PTPRD: variants seen among roughly 807,000 people sequenced by gnomAD.
The protein encoded by PTPRD is receptor-type tyrosine-protein phosphatase delta.
In PTPRD, 34 loss-of-function variants were observed where a neutral mutation model predicts 214.5. The ratio of observed to expected loss-of-function variants is 0.16; its 90% CI spans 0.12 to 0.21. The LOEUF is 0.21. Among genes scored for constraint, PTPRD ranks in the 10% least tolerant of loss-of-function variants. The pLI, the probability that PTPRD is intolerant of heterozygous loss-of-function variation, is 1.00. For missense variants in PTPRD, 2,545 were observed against 2,398.7 expected (o/e 1.06, Z -1.27); for synonymous variants, 1,128 against 845.7 (o/e 1.33, Z -5.79).
At chr9:10,281,358 G>C (rs2095100850) in intron 3 of PTPRD, among the ~76,000 whole-genome samples, 1 of 152,092 alleles carries the variant, frequency 6.6e-6, no homozygotes, top group Non-Finnish European at 1.5e-5. Flanking sequence ...AGAAAAATAA[G>C]GCTGGCTCTC....
chr9:8,455,214 A>G (rs906426371), intron 33 of PTPRD, among the ~76,000 whole-genome samples: 3 of 152,202 alleles, frequency 2.0e-5, no homozygotes, highest in Non-Finnish European at 4.4e-5. Context: ...TCTTCAGTTT[A>G]GGAAAATATA....
chr9:9,972,071 A>T (rs1423757582), intron 4 of PTPRD, among the ~76,000 whole-genome samples: 1 of 152,212 alleles, frequency 6.6e-6, no homozygotes, highest in Non-Finnish European at 1.5e-5. Flanking sequence ...TACAAGCCAC[A>T]GTTGCAGCAT....
chr9:8,753,171 C>A (rs1196537419), intron 11 of PTPRD, among the ~76,000 whole-genome samples: 2 of 152,080 alleles, frequency 1.3e-5, no homozygotes, highest in East Asian at 1.9e-4. Flanking sequence ...TGCCTCTTGG[C>A]CCCTTTTTCC....
chr9:8,731,439 A>G (rs996093955), intron 12 of PTPRD, among the ~76,000 whole-genome samples: 2 of 152,252 alleles, frequency 1.3e-5, no homozygotes, highest in Admixed American at 1.3e-4. Context: ...TAATGAAGGC[A>G]TAAGAAAACA....
intron 10 of PTPRD, among the ~76,000 whole-genome samples, chr9:9,162,044 A>G (rs1438661798): frequency 6.6e-6 from 1 of 152,124 alleles, no homozygotes; most frequent in Admixed American, 6.6e-5. Flanking sequence ...GAAGAAAACA[A>G]CAAGGCCCAG....
intron 10 of PTPRD, among the ~76,000 whole-genome samples, chr9:9,046,274 A>T (rs147407765): frequency 6.6e-6 from 1 of 152,210 alleles, no homozygotes; most frequent in African/African-American, 2.4e-5. Context: ...TAATTACTTA[A>T]CTAAAACTCC....
chr9:9,653,071 G>T (rs905023313), intron 7 of PTPRD, among the ~76,000 whole-genome samples: 2 of 149,696 alleles, frequency 1.3e-5, no homozygotes, highest in African/African-American at 2.5e-5. Flanking sequence ...GGCCGGGCGC[G>T]GTGGCTCACG....
rs201761674 is a variant in PTPRD at position 8,526,634 on chromosome 9, T to C, written c.561A>G (p.Pro187=). The C allele has an allele frequency of 5.3e-4, 832 of 1,580,176 alleles. No homozygotes were observed. Among genetic ancestry groups the C allele is most frequent in the Non-Finnish European group, 7.0e-4 (808 of 1,161,352 alleles). The part of the protein sequence containing the change: ...QLRSESIGGT[P]IRGALQIEQS... ...TTAGTTCAGCACTCTTACCTCTTATTGGTGTACCACCTGGGTGGATAATAT... is the reference window on the plus strand; with the variant it reads ...TTAGTTCAGCACTCTTACCTCTTATCGGTGTACCACCTGGGTGGATAATAT... The change falls in exon 17 of 46, where the codon CCA becomes CCG. Residue 187 remains proline, a synonymous_variant. Transcript: ENST00000381196.
chr9:10,063,512 G>C (rs1257895707), intron 3 of PTPRD, among the ~76,000 whole-genome samples: 1 of 151,966 alleles, frequency 6.6e-6, no homozygotes, highest in Non-Finnish European at 1.5e-5. Context: ...GGTAAACCTT[G>C]GAAATATTTT....
Position 9,776,384 on chromosome 9 carries a change from C to G in PTPRD, c.-367-9533G>C, listed in dbSNP as rs559752083. Among the ~76,000 whole-genome samples the G allele has an allele frequency of 5.3e-5, 8 of 152,200 alleles. No homozygotes were observed. In the South Asian group the frequency reaches 1.7e-3, roughly 32 times the overall value. On this transcript the variant is annotated intron_variant, in intron 5 of 45. Transcript: ENST00000381196. ...TGAACTCGTGTGCCATAACCCTTTCCTGCAATTGTTGCTTTACTGATCTGT... is the reference window on the plus strand; with the variant it reads ...TGAACTCGTGTGCCATAACCCTTTCGTGCAATTGTTGCTTTACTGATCTGT...
intron 3 of PTPRD, among the ~76,000 whole-genome samples, chr9:10,061,224 C>T (rs2097773365): frequency 6.6e-6 from 1 of 151,772 alleles, no homozygotes; most frequent in Admixed American, 6.6e-5. Context: ...GTTCAACAGC[C>T]ATAATAGGGA....
At chr9:10,364,698 C>T (rs760120366) in intron 2 of PTPRD, among the ~76,000 whole-genome samples, 1 of 152,132 alleles carries the variant, frequency 6.6e-6, no homozygotes, top group Non-Finnish European at 1.5e-5. Context: ...ATCAGGCCTA[C>T]AAAATTGCCA....
chr9:10,464,528 A>C (rs556925465), intron 2 of PTPRD, among the ~76,000 whole-genome samples: 1 of 151,494 alleles, frequency 6.6e-6, no homozygotes, highest in South Asian at 2.1e-4. Context: ...ACGAAAGATA[A>C]ATTCTGACCA....
At chr9:8,978,433 C>T (rs1243233985) in intron 11 of PTPRD, among the ~76,000 whole-genome samples, 1 of 152,036 alleles carries the variant, frequency 6.6e-6, no homozygotes, top group South Asian at 2.1e-4. Flanking sequence ...TAAATATCCA[C>T]GGAATGAACT....
chr9:10,151,033 G>T (rs1468624558), intron 3 of PTPRD, among the ~76,000 whole-genome samples: 1 of 147,568 alleles, frequency 6.8e-6, no homozygotes, highest in East Asian at 2.0e-4. Context: ...GTGTATGAGT[G>T]TATACTTTCT....
At chr9:9,159,594 G>C (rs543807952) in intron 10 of PTPRD, among the ~76,000 whole-genome samples, 2 of 152,216 alleles carry the variant, frequency 1.3e-5, no homozygotes, top group East Asian at 1.9e-4. Context: ...TGTGTTCATG[G>C]ATTGGAAGAA....
rs10959036 is a variant in PTPRD at position 10,305,989 on chromosome 9, G to C, written c.-545+34974C>G. 1.9e-3 allele frequency among the ~76,000 whole-genome samples: 285 copies of C among 151,988 alleles called. 4 individuals carry two copies. In the East Asian group the frequency reaches 0.051, roughly 27 times the overall value. ...TATACACATATATGTTTATTGCAGT[G>C]CTGTTCCTAGTAGCAAAGACTTGGA... On this transcript the variant is annotated intron_variant, in intron 3 of 45. Coordinates refer to ENST00000381196, the MANE Select transcript of PTPRD (RefSeq NM_002839.4).
chr9:9,751,697 T>C (rs1002250201), intron 6 of PTPRD, among the ~76,000 whole-genome samples: 3 of 152,088 alleles, frequency 2.0e-5, no homozygotes, highest in Admixed American at 6.6e-5. Flanking sequence ...TGGAATGATA[T>C]ATCTACTAGT....
In PTPRD at chr9:9,301,659, G is replaced by A. The variant is rs140057319; in HGVS notation, c.-203+95790C>T. Among the ~76,000 whole-genome samples, 17 of 151,894 alleles carry A rather than the reference G, an allele frequency of 1.1e-4. No individual in the cohort carries two copies. The East Asian group carries it at 3.3e-3, about 30-fold the overall frequency. On this transcript the variant is annotated intron_variant, in intron 9 of 45. Transcript: ENST00000381196. ...TTTTGATGGAACACTAATCTGATTT[G>A]TCTCAATTGTTTATTGCATTGAGAA...
Sources: gnomAD v4.1 joint callset for allele counts (sites outside exome capture counted in the v4.1 genomes callset) on GRCh38, gnomAD v4.1.1 for gene constraint, MANE v1.5 for transcripts, NCBI Gene and HGNC (gene_info 2026-07-23, HGNC 2026-07-21) for gene names.